OR56A3: variants seen among roughly 807,000 people sequenced by gnomAD.
OR56A3 encodes olfactory receptor family 56 subfamily A member 3, also known as olfactory receptor 56A3.
Under a neutral mutation model 17.5 loss-of-function variants are expected in OR56A3, and 23 were observed. The ratio of observed to expected loss-of-function variants is 1.32; its 90% CI spans 0.95 to 1.87. The LOEUF is 1.87. Among genes scored for constraint, OR56A3 ranks in the 40% most tolerant of loss-of-function variants. The pLI, the probability that OR56A3 is intolerant of heterozygous loss-of-function variation, is 0.00. For synonymous variants in OR56A3, 175 were observed against 150.6 expected (o/e 1.16, Z -1.19); for missense variants, 366 against 380.1 (o/e 0.96, Z 0.31).
the OR56A3 span, among the ~76,000 whole-genome samples, chr11:5,993,381 A>G: frequency 0.63 from 95,791 of 151,966 alleles, 30,785 homozygotes; most frequent in South Asian, 0.78. Flanking sequence ...AAAAGCAAAT[A>G]CAGCCATCTC....
At chr11:5,968,712 A>G in the OR56A3 span, among the ~76,000 whole-genome samples, 1 of 152,224 alleles carries the variant, frequency 6.6e-6, no homozygotes, top group African/African-American at 2.4e-5. Flanking sequence ...GTTAATTTAG[A>G]AAAGCAAATA....
At chr11:5,981,333 C>T in the OR56A3 span, among the ~76,000 whole-genome samples, 1 of 152,184 alleles carries the variant, frequency 6.6e-6, no homozygotes. Context: ...AACATAATTG[C>T]ATATTTAATA....
At chr11:5,959,946 T>C in the OR56A3 span, among the ~76,000 whole-genome samples, 1 of 152,336 alleles carries the variant, frequency 6.6e-6, no homozygotes, top group South Asian at 2.1e-4. Context: ...TTGTGTGTTA[T>C]TGGCATCTTT....
chr11:5,960,338 T>G, the OR56A3 span, among the ~76,000 whole-genome samples: 1 of 150,208 alleles, frequency 6.7e-6, no homozygotes, highest in Non-Finnish European at 1.5e-5. Flanking sequence ...TGCCACCATC[T>G]CGGCTCACTG....
chr11:5,950,829 C>T lies in OR56A3; in HGVS notation c.*2535C>T, dbSNP rs1450673621. Reference sequence around the variant, plus strand: ...CCAGATTCCAAGCATTCAATAGCCACGTGAGGCTAGTGACTATGGTATTAA... The same window carrying T: ...CCAGATTCCAAGCATTCAATAGCCATGTGAGGCTAGTGACTATGGTATTAA... On this transcript the variant is annotated 3_prime_UTR_variant, in exon 3 of 3. Coordinates refer to ENST00000641160, the MANE Select transcript of OR56A3 (RefSeq NM_001003443.3). The T allele has an allele frequency of 2.0e-5, 3 of 152,076 alleles. No individual in the cohort carries two copies. The highest frequency in any genetic ancestry group is 4.4e-5 in the Non-Finnish European group (3 of 67,980). 9.4% of individuals were successfully genotyped at this position (152,076 alleles called of 1,614,324 possible). A position where few individuals can be genotyped will look rare whatever the true frequency, so the allele number is the denominator to read the frequency against.
downstream of OR56A3, among the ~76,000 whole-genome samples, chr11:5,955,331 A>T (rs916630620): frequency 6.6e-6 from 1 of 152,170 alleles, no homozygotes; most frequent in Non-Finnish European, 1.5e-5. Context: ...CTAAAGGAAA[A>T]CAACTAAATG....
the OR56A3 span, among the ~76,000 whole-genome samples, chr11:5,956,647 C>G: frequency 1.3e-5 from 2 of 152,210 alleles, no homozygotes; most frequent in East Asian, 3.8e-4. Flanking sequence ...GACTCCTCAA[C>G]TTCTCACTGC....
At chr11:5,981,538 CTATT>C in the OR56A3 span, among the ~76,000 whole-genome samples, 1 of 152,110 alleles carries the variant, frequency 6.6e-6, no homozygotes, top group African/African-American at 2.4e-5. Context: ...CTTAAAATGG[CTATT>C]TGTCTTTCAG....
At chr11:5,992,549 TCTG>T in the OR56A3 span, among the ~76,000 whole-genome samples, 1 of 152,194 alleles carries the variant, frequency 6.6e-6, no homozygotes, top group Non-Finnish European at 1.5e-5. Flanking sequence ...AGAGTGTGTT[TCTG>T]AAAAAAGACA....
chr11:6,002,185 T>C, the OR56A3 span: 1 of 1,614,232 alleles, frequency 6.2e-7, no homozygotes, highest in Non-Finnish European at 8.5e-7. Context: ...GGAGGAATTC[T>C]CTTCCTGGCC....
chr11:6,010,117 C>CT, the OR56A3 span, among the ~76,000 whole-genome samples: 1 of 151,978 alleles, frequency 6.6e-6, no homozygotes, highest in Admixed American at 6.6e-5. Context: ...CTTTCTCATG[C>CT]TTTTTTACTC....
chr11:6,004,172 T>A, the OR56A3 span, among the ~76,000 whole-genome samples: 70 of 152,044 alleles, frequency 4.6e-4, no homozygotes, highest in Non-Finnish European at 7.5e-4. Context: ...GCCAACATAA[T>A]GAAACCTCGT....
At chr11:5,971,263 T>A in the OR56A3 span, among the ~76,000 whole-genome samples, 1 of 152,202 alleles carries the variant, frequency 6.6e-6, no homozygotes, top group Non-Finnish European at 1.5e-5. Context: ...ATGAAGAGAA[T>A]GTCTTAGAGA....
chr11:5,948,400 T>C lies in OR56A3; in HGVS notation c.*106T>C. The C allele has an allele frequency of 1.4e-6, 1 of 707,736 alleles. No individual in the cohort carries two copies. Among genetic ancestry groups the C allele is most frequent in the East Asian group, 2.7e-5 (1 of 36,994 alleles). The allele number at this position is 707,736 out of a possible 1,614,324, so 43.8% of individuals were successfully genotyped here. A position where few individuals can be genotyped will look rare whatever the true frequency, so the allele number is the denominator to read the frequency against. ...CTGTGACTTATAACCTCAAACTGGG[T>C]ACACTAGATATTGTGTGTGCTTTTC... On this transcript the variant is annotated 3_prime_UTR_variant, in exon 3 of 3. Transcript: ENST00000641160.
the OR56A3 span, among the ~76,000 whole-genome samples, chr11:5,971,205 T>C: frequency 6.6e-6 from 1 of 152,196 alleles, no homozygotes; most frequent in Non-Finnish European, 1.5e-5. Flanking sequence ...TACTAGGTCA[T>C]TGCCTTCATA....
At chr11:5,999,888 C>A in the OR56A3 span, 2 of 152,138 alleles carry the variant, frequency 1.3e-5, no homozygotes, top group Non-Finnish European at 2.9e-5. Context: ...AATAATGATT[C>A]CAGTCGGGAG....
At chr11:5,981,138 T>A in the OR56A3 span, among the ~76,000 whole-genome samples, 1 of 152,308 alleles carries the variant, frequency 6.6e-6, no homozygotes, top group Non-Finnish European at 1.5e-5. Context: ...TGAATATGTG[T>A]CTTGAGGATG....
At chr11:5,996,506 G>GTTT in the OR56A3 span, among the ~76,000 whole-genome samples, 1 of 143,374 alleles carries the variant, frequency 7.0e-6, no homozygotes. Flanking sequence ...AACCAGTGAA[G>GTTT]TTTTTTTTTT....
chr11:5,950,933 C>T lies in OR56A3; in HGVS notation c.*2639C>T, dbSNP rs1321469772. 6.6e-6 allele frequency: 1 copy of T among 151,996 alleles called. No individual in the cohort carries two copies. The highest frequency in any genetic ancestry group is 1.5e-5 in the Non-Finnish European group (1 of 67,950). 9.4% of individuals were successfully genotyped at this position (151,996 alleles called of 1,614,324 possible). On this transcript the variant is annotated 3_prime_UTR_variant, in exon 3 of 3. Coordinates refer to ENST00000641160, the MANE Select transcript of OR56A3 (RefSeq NM_001003443.3). ...AGTTAATTAGAAAATATGTATTCTT[C>T]TTGAAATACATCTTATAATACAGTT...
Sources: allele counts gnomAD v4.1 joint callset (sites outside exome capture counted in the v4.1 genomes callset), GRCh38; gene constraint gnomAD v4.1.1; transcripts MANE v1.5; gene names NCBI Gene and HGNC (gene_info 2026-07-23, HGNC 2026-07-21).